The following KIF4A variants were observed in gnomAD, a reference collection of about 807,000 sequenced individuals.
KIF4A encodes chromosome-associated kinesin KIF4A.
KIF4A carries 7 observed loss-of-function variants against 105.9 expected under a neutral mutation model. The observed-to-expected ratio is 0.07, with a 90% CI of 0.04 to 0.12. The LOEUF (loss-of-function observed/expected upper bound fraction) is 0.12. Among genes scored for constraint, KIF4A ranks in the 10% least tolerant of loss-of-function variants. The probability of loss-of-function intolerance (pLI) is 1.00; values close to 1 mark genes in which losing one functional copy is unlikely to be tolerated. For missense variants in KIF4A, 558 were observed against 929.2 expected (o/e 0.60, Z 5.19); for synonymous variants, 281 against 331.3 (o/e 0.85, Z 1.65).
intron 15 of KIF4A, among the ~76,000 whole-genome samples, chrX:70,365,815 G>A (rs771511347): frequency 1.7e-3 from 186 of 111,571 alleles, no homozygotes; most frequent in African/African-American, 5.5e-3. Flanking sequence ...TTCAGAAGCA[G>A]CGGTACCAGC....
In KIF4A at chrX:70,309,328, G is replaced by T. The variant is rs1039074838; in HGVS notation, c.778+6930G>T. 3.6e-5 allele frequency among the ~76,000 whole-genome samples: 4 copies of T among 111,214 alleles called. No homozygotes were observed. The South Asian group carries it at 1.5e-3, about 42-fold the overall frequency. ...ATTTCTCTTTCCATTTCTATGAATT[G>T]CCTGTTCATACCATTTGCTTATTTT... On this transcript the variant is annotated intron_variant, in intron 7 of 30. Transcript: ENST00000374403.
At chrX:70,357,579 A>G (rs187466418) in intron 15 of KIF4A, among the ~76,000 whole-genome samples, 2 of 112,065 alleles carry the variant, frequency 1.8e-5, no homozygotes, top group African/African-American at 6.5e-5. Flanking sequence ...TAAAACCCCA[A>G]TAGCTTTCTG....
intron 28 of KIF4A, among the ~76,000 whole-genome samples, chrX:70,412,586 T>C (rs1223707648): frequency 9.0e-6 from 1 of 111,602 alleles, no homozygotes; most frequent in Non-Finnish European, 1.9e-5. Flanking sequence ...GCAGCAAAGA[T>C]TTTTTGTTAT....
At chrX:70,380,380 G>T (rs2086192795) in intron 18 of KIF4A, among the ~76,000 whole-genome samples, 1 of 111,700 alleles carries the variant, frequency 9.0e-6, no homozygotes, top group Admixed American at 9.5e-5. Context: ...TTTAATATAT[G>T]GAAATCAATT....
At chrX:70,302,202 G>C (rs2085806970) in intron 6 of KIF4A, 102 bp from the exon 7 acceptor site, 2 of 1,093,726 alleles carry the variant, frequency 1.8e-6, no homozygotes, top group Non-Finnish European at 2.5e-6. Flanking sequence ...GAGCCATTTT[G>C]ACTGACTTGA....
At chrX:70,417,861 G>A in intron 28 of KIF4A, 27 bp from the exon 29 acceptor site, 1 of 1,130,959 alleles carries the variant, frequency 8.8e-7, no homozygotes. Context: ...TTTCAGTAAT[G>A]TGTCTTTCTG....
At chrX:70,306,561 C>A (rs1377433716) in intron 7 of KIF4A, among the ~76,000 whole-genome samples, 1 of 111,095 alleles carries the variant, frequency 9.0e-6, no homozygotes, top group African/African-American at 3.3e-5. Context: ...TTTTTTGAGA[C>A]AATCTCACTC....
chrX:70,379,987 A>G (rs2086190961), intron 18 of KIF4A, among the ~76,000 whole-genome samples: 1 of 111,047 alleles, frequency 9.0e-6, no homozygotes, highest in African/African-American at 3.3e-5. Flanking sequence ...AAATTCTAGC[A>G]AACTAAATCC....
intron 7 of KIF4A, among the ~76,000 whole-genome samples, chrX:70,319,288 C>T (rs1453779013): frequency 9.0e-6 from 1 of 111,433 alleles, no homozygotes. Context: ...AGAAAGAAAT[C>T]CTTTAGTACC....
chrX:70,353,417 A>G lies in KIF4A; in HGVS notation c.1489-205A>G, dbSNP rs1174116220. ...TGATACTAAAAGAGTCCATTAAAGT[A>G]TATAAGAAATAAGGTGCTTGAGAGA... On this transcript the variant is annotated intron_variant, in intron 14 of 30. Transcript: ENST00000374403. Among the ~76,000 whole-genome samples, 3 of 112,229 alleles carry G rather than the reference A, an allele frequency of 2.7e-5. No individual in the cohort carries two copies. The East Asian group carries it at 8.3e-4, about 31-fold the overall frequency.
At chrX:70,350,670 G>A (rs2086026680) in intron 13 of KIF4A, among the ~76,000 whole-genome samples, 1 of 111,460 alleles carries the variant, frequency 9.0e-6, no homozygotes, top group Non-Finnish European at 1.9e-5. Context: ...GAGTGAAAGA[G>A]CGAGACTCTG....
chrX:70,337,589 G>A (rs1020597196), intron 10 of KIF4A, among the ~76,000 whole-genome samples: 4 of 111,070 alleles, frequency 3.6e-5, no homozygotes, highest in Non-Finnish European at 7.5e-5. Context: ...AGGATCACCT[G>A]AGCCCAGGGA....
chrX:70,290,787 A>C lies in KIF4A; in HGVS notation c.217A>C (p.Ile73Leu). Reference protein sequence around the residue: ...EVFNTAVAPLIKGVFKGYNAT... With the variant: ...EVFNTAVAPLLKGVFKGYNAT... Reference sequence around the variant, plus strand: ...CTTCAATACAGCAGTAGCGCCACTCATAAAAGGTGTATTTAAAGGTAAGGC... The same window carrying C: ...CTTCAATACAGCAGTAGCGCCACTCCTAAAAGGTGTATTTAAAGGTAAGGC... Residue 73 changes from isoleucine to leucine, a missense_variant, in exon 3 of 31, where the codon ATA (isoleucine) becomes CTA (leucine). This residue lies in a region of KIF4A where 89 missense variants were observed against 248.8 expected (regional missense o/e 0.36). Coordinates refer to ENST00000374403, the MANE Select transcript of KIF4A (RefSeq NM_012310.5). 8.5e-7 allele frequency: 1 copy of C among 1,183,421 alleles called. No homozygotes were observed. The highest frequency in any genetic ancestry group is 1.1e-6 in the Non-Finnish European group (1 of 869,664).
intron 25 of KIF4A, among the ~76,000 whole-genome samples, chrX:70,405,464 AG>A (rs1369741547): frequency 1.8e-5 from 2 of 111,829 alleles, no homozygotes; most frequent in African/African-American, 6.5e-5. Flanking sequence ...AGAAGGGTAA[AG>A]AGAAGCATCT....
chrX:70,317,890 T>C (rs1193069830), intron 7 of KIF4A, among the ~76,000 whole-genome samples: 15 of 105,856 alleles, frequency 1.4e-4, no homozygotes, highest in Non-Finnish European at 2.5e-4. Flanking sequence ...TCTTTTTTTT[T>C]TTTTTGAGAT....
intron 15 of KIF4A, among the ~76,000 whole-genome samples, chrX:70,373,939 C>T (rs1357276390): frequency 9.6e-6 from 1 of 104,058 alleles, no homozygotes; most frequent in East Asian, 3.0e-4. Context: ...ATATAGTAAG[C>T]GTGGCAGTCA....
chrX:70,360,971 C>T (rs1219450901), intron 15 of KIF4A, among the ~76,000 whole-genome samples: 1 of 112,819 alleles, frequency 8.9e-6, no homozygotes, highest in Non-Finnish European at 1.9e-5. Flanking sequence ...TCCCCATTTG[C>T]CCCTAGATCC....
intron 11 of KIF4A, among the ~76,000 whole-genome samples, chrX:70,342,911 G>A (rs1476033004): frequency 8.9e-6 from 1 of 112,458 alleles, no homozygotes; most frequent in Admixed American, 9.4e-5. Flanking sequence ...TTGTTACAGT[G>A]TCTGCCTGAT....
intron 7 of KIF4A, among the ~76,000 whole-genome samples, chrX:70,319,267 AAAAG>A (rs1297053832): frequency 2.7e-5 from 3 of 111,987 alleles, no homozygotes; most frequent in Admixed American, 9.5e-5. Context: ...CGTCTCAAAA[AAAAG>A]AAAGAAAGAA....
Sources: allele counts gnomAD v4.1 joint callset (sites outside exome capture counted in the v4.1 genomes callset), GRCh38; gene constraint gnomAD v4.1.1; regional missense constraint gnomAD v4.1.1; transcripts MANE v1.5; gene names NCBI Gene and HGNC (gene_info 2026-07-23, HGNC 2026-07-21).